The following ZFPM2 variants were observed in gnomAD, a reference collection of about 807,000 sequenced individuals.
ZFPM2 encodes the protein zinc finger protein, FOG family member 2.
In ZFPM2, 20 loss-of-function variants were observed where a neutral mutation model predicts 98.6. The observed-to-expected ratio is 0.20, with a 90% CI of 0.14 to 0.29. ZFPM2 has a LOEUF of 0.29. ZFPM2 is among the 10% of genes least tolerant of loss of function. The pLI is 1.00. For synonymous variants in ZFPM2, 518 were observed against 502.7 expected (o/e 1.03, Z -0.41); for missense variants, 1,310 against 1,388.6 (o/e 0.94, Z 0.90).
chr8:105,557,175 T>C (rs534693810), intron 3 of ZFPM2, among the ~76,000 whole-genome samples: 1 of 152,318 alleles, frequency 6.6e-6, no homozygotes, highest in African/African-American at 2.4e-5. Context: ...CTATGCCTAT[T>C]CCTGCATCAC....
At chr8:105,689,054 A>G (rs766708927) in intron 5 of ZFPM2, among the ~76,000 whole-genome samples, 2 of 152,154 alleles carry the variant, frequency 1.3e-5, no homozygotes, top group South Asian at 4.1e-4. Flanking sequence ...CAGCCTTTGC[A>G]TATGCTGTTC....
intron 4 of ZFPM2, among the ~76,000 whole-genome samples, chr8:105,597,127 T>G (rs1250237575): frequency 2.0e-5 from 3 of 152,088 alleles, no homozygotes; most frequent in Non-Finnish European, 4.4e-5. Flanking sequence ...AAATGCATTA[T>G]TAATAGATGT....
rs369014203 is a variant in ZFPM2, at chr8:105,802,344, A to G, written c.2262A>G (p.Pro754=). ...MCLPEQEQRP[P]LVQQRFLDVA... is the part of the protein sequence containing the mutation. ...TACCTGAGCAGGAACAAAGGCCTCC[A>G]CTGGTTCAGCAGAGATTTCTTGACG... Residue 754 remains proline, a synonymous_variant, in exon 8 of 8, where the codon CCA becomes CCG. Coordinates refer to ENST00000407775, the MANE Select transcript of ZFPM2 (RefSeq NM_012082.4). 258 of 1,613,696 alleles carry G rather than the reference A, an allele frequency of 1.6e-4. No individual in the cohort carries two copies. The highest frequency in any genetic ancestry group is 2.0e-4 in the Non-Finnish European group (232 of 1,179,860).
chr8:105,651,732 C>G (rs1450363858), intron 5 of ZFPM2, among the ~76,000 whole-genome samples: 2 of 152,096 alleles, frequency 1.3e-5, no homozygotes, highest in African/African-American at 2.4e-5. Context: ...AACTCCACAG[C>G]CAGCGCACAG....
Position 105,424,041 on chromosome 8 carries a change from G to A in ZFPM2, c.199+4739G>A, listed in dbSNP as rs533809736. ...TGAGGGATAAAAGACTACACACTGG[G>A]AACAGTGTACGCTGCTCAAGTGATG... On this transcript the variant is annotated intron_variant, in intron 2 of 7. Coordinates refer to ENST00000407775, the MANE Select transcript of ZFPM2 (RefSeq NM_012082.4). Among the ~76,000 whole-genome samples the A allele has an allele frequency of 3.9e-5, 6 of 152,204 alleles. No homozygotes were observed. In the South Asian group the frequency reaches 1.2e-3, roughly 32 times the overall value.
intron 4 of ZFPM2, among the ~76,000 whole-genome samples, chr8:105,571,069 C>T (rs1815344301): frequency 6.6e-6 from 1 of 152,166 alleles, no homozygotes; most frequent in African/African-American, 2.4e-5. Flanking sequence ...CTGATCCACT[C>T]TATGTGTGTA....
intron 4 of ZFPM2, among the ~76,000 whole-genome samples, chr8:105,609,331 A>G (rs1586147494): frequency 6.6e-6 from 1 of 152,110 alleles, no homozygotes; most frequent in African/African-American, 2.4e-5. Context: ...CAAGCACTGC[A>G]TAGGGAATAA....
chr8:105,333,782 G>A (rs1258355976), intron 1 of ZFPM2, among the ~76,000 whole-genome samples: 3 of 149,398 alleles, frequency 2.0e-5, no homozygotes, highest in African/African-American at 7.3e-5. Context: ...ATATCTCAAA[G>A]ACTCGTAAAA....
At chr8:105,691,568 C>A (rs2130938727) in intron 5 of ZFPM2, among the ~76,000 whole-genome samples, 1 of 152,230 alleles carries the variant, frequency 6.6e-6, no homozygotes. Context: ...TTTTTGACCA[C>A]CCTCACTATT....
At chr8:105,575,214 C>T (rs1815439167) in intron 4 of ZFPM2, among the ~76,000 whole-genome samples, 7 of 152,166 alleles carry the variant, frequency 4.6e-5, no homozygotes, top group Admixed American at 4.6e-4. Context: ...CTTCATTAAT[C>T]AAGTGGAGGC....
At chr8:105,684,069 A>G (rs1388297551) in intron 5 of ZFPM2, among the ~76,000 whole-genome samples, 1 of 152,188 alleles carries the variant, frequency 6.6e-6, no homozygotes, top group Non-Finnish European at 1.5e-5. Flanking sequence ...TAAACCTTAC[A>G]GATAGAGAAA....
At chr8:105,662,755 T>C (rs551388762) in intron 5 of ZFPM2, 18 of 151,926 alleles carry the variant, frequency 1.2e-4, no homozygotes, top group Admixed American at 7.9e-4. Context: ...TACTAATATA[T>C]TTAAAGCATC....
At chr8:105,406,499 T>C (rs529060986) in intron 1 of ZFPM2, among the ~76,000 whole-genome samples, 1 of 152,034 alleles carries the variant, frequency 6.6e-6, no homozygotes, top group African/African-American at 2.4e-5. Context: ...AACCATAAAA[T>C]CCCTAGAAGA....
intron 1 of ZFPM2, among the ~76,000 whole-genome samples, chr8:105,350,477 G>A (rs1812619935): frequency 6.6e-6 from 1 of 152,162 alleles, no homozygotes; most frequent in African/African-American, 2.4e-5. Flanking sequence ...AATAAAAAGA[G>A]AGTAGTGTAG....
intron 1 of ZFPM2, among the ~76,000 whole-genome samples, chr8:105,360,330 CATTTTT>C (rs992847522): frequency 5.3e-5 from 8 of 151,872 alleles, no homozygotes; most frequent in Admixed American, 4.6e-4. Context: ...TTTAAAAACT[CATTTTT>C]ATTTTTACTC....
intron 1 of ZFPM2, among the ~76,000 whole-genome samples, chr8:105,366,117 T>G (rs1810502682): frequency 6.6e-6 from 1 of 152,142 alleles, no homozygotes; most frequent in Non-Finnish European, 1.5e-5. Context: ...TCAAAATGAG[T>G]GTTCATGCTA....
intron 5 of ZFPM2, among the ~76,000 whole-genome samples, chr8:105,649,292 G>C (rs1817119564): frequency 6.6e-6 from 1 of 152,064 alleles, no homozygotes. Context: ...GAGACTATGG[G>C]GTTTTCTAAA....
At chr8:105,622,594 A>G (rs1284593310) in intron 4 of ZFPM2, among the ~76,000 whole-genome samples, 2 of 152,170 alleles carry the variant, frequency 1.3e-5, no homozygotes, top group African/African-American at 4.8e-5. Flanking sequence ...ATGCTCCATT[A>G]GTTGCCCCAG....
chr8:105,364,554 C>G (rs759521628), intron 1 of ZFPM2, among the ~76,000 whole-genome samples: 10 of 151,750 alleles, frequency 6.6e-5, no homozygotes, highest in Non-Finnish European at 1.2e-4. Context: ...TTCATTGTAA[C>G]TAAACTGCTT....
Sources: gnomAD v4.1 joint callset for allele counts (sites outside exome capture counted in the v4.1 genomes callset) on GRCh38, gnomAD v4.1.1 for gene constraint, MANE v1.5 for transcripts, NCBI Gene and HGNC (gene_info 2026-07-23, HGNC 2026-07-21) for gene names.